ROBO1: variants seen among roughly 807,000 people sequenced by gnomAD.
ROBO1 encodes the protein roundabout guidance receptor 1.
A neutral mutation model predicts 195.9 loss-of-function variants in ROBO1; 149 were observed. The ratio of observed to expected loss-of-function variants is 0.76; its 90% CI spans 0.67 to 0.87. ROBO1 has a LOEUF of 0.87. Ranked by LOEUF, ROBO1 falls within the 40% of genes least tolerant of loss-of-function variation. ROBO1 has a pLI of 0.00. For missense variants in ROBO1, 1,933 were observed against 2,068.3 expected (o/e 0.93, Z 1.27); for synonymous variants, 816 against 733.2 (o/e 1.11, Z -1.82).
chr3:79,059,144 C>T (rs1027254927), intron 3 of ROBO1, among the ~76,000 whole-genome samples: 3 of 151,984 alleles, frequency 2.0e-5, no homozygotes, highest in African/African-American at 7.2e-5. Flanking sequence ...TCTTCATCAC[C>T]CCGTATTCCT....
chr3:79,693,807 G>A, intron 1 of ROBO1, among the ~76,000 whole-genome samples: 1 of 151,302 alleles, frequency 6.6e-6, no homozygotes, highest in Non-Finnish European at 1.5e-5. Context: ...TTTTCTCAAG[G>A]ACACCAAAAA....
intron 4 of ROBO1, among the ~76,000 whole-genome samples, chr3:78,809,658 C>T (rs1292415083): frequency 6.6e-6 from 1 of 152,078 alleles, no homozygotes; most frequent in Admixed American, 6.5e-5. Context: ...TACTATGCAG[C>T]CACAAAAAAG....
intron 4 of ROBO1, among the ~76,000 whole-genome samples, chr3:78,934,882 C>T (rs1160400842): frequency 6.6e-6 from 1 of 151,800 alleles, no homozygotes; most frequent in Non-Finnish European, 1.5e-5. Flanking sequence ...ACCATTTTAC[C>T]CCTAGGAGTA....
intron 3 of ROBO1, among the ~76,000 whole-genome samples, chr3:78,999,922 C>T (rs1179145892): frequency 2.0e-5 from 3 of 152,078 alleles, no homozygotes; most frequent in Admixed American, 1.3e-4. Context: ...TCTTTAAATA[C>T]TCCTTGACCC....
At chr3:78,725,108 A>G (rs1316410315) in intron 5 of ROBO1, among the ~76,000 whole-genome samples, 3 of 152,174 alleles carry the variant, frequency 2.0e-5, no homozygotes, top group Non-Finnish European at 4.4e-5. Flanking sequence ...TTCAAGGCAG[A>G]GGTCTTCCTT....
intron 4 of ROBO1, among the ~76,000 whole-genome samples, chr3:78,820,463 G>A (rs908899097): frequency 6.6e-6 from 1 of 152,180 alleles, no homozygotes; most frequent in Admixed American, 6.5e-5. Context: ...TAATGTTAAC[G>A]TAGGTAGAAC....
At chr3:79,615,373 T>A (rs1254545371) in intron 1 of ROBO1, among the ~76,000 whole-genome samples, 1 of 152,178 alleles carries the variant, frequency 6.6e-6, no homozygotes, top group Non-Finnish European at 1.5e-5. Context: ...ACTGAACCAA[T>A]GCACAACGTA....
intron 2 of ROBO1, among the ~76,000 whole-genome samples, chr3:79,248,816 A>C (rs2082671601): frequency 6.6e-6 from 1 of 152,198 alleles, no homozygotes; most frequent in Non-Finnish European, 1.5e-5. Context: ...GGGTTGATGG[A>C]AAGGCATGGA....
intron 3 of ROBO1, among the ~76,000 whole-genome samples, chr3:79,101,955 T>G (rs1218728945): frequency 6.6e-6 from 1 of 151,858 alleles, no homozygotes; most frequent in African/African-American, 2.4e-5. Context: ...CACACAGTTT[T>G]CATTTAATTG....
In ROBO1 at chr3:79,734,024, T is replaced by C. The variant is rs1040914197; in HGVS notation, c.-51+33728A>G. 2.0e-5 allele frequency among the ~76,000 whole-genome samples: 3 copies of C among 151,616 alleles called. No homozygotes were observed. The East Asian group carries it at 5.8e-4, about 29-fold the overall frequency. On this transcript the variant is annotated intron_variant, in intron 1 of 30. Coordinates refer to ENST00000464233, the MANE Select transcript of ROBO1 (RefSeq NM_002941.4). Reference sequence around the variant, plus strand: ...TTGCAATGGTGCGATCTGGTCTCACTGCAACCTCCGCCTCCCGGGTTCAAG... The same window carrying C: ...TTGCAATGGTGCGATCTGGTCTCACCGCAACCTCCGCCTCCCGGGTTCAAG...
At chr3:79,613,890 CA>C (rs1944741842) in intron 1 of ROBO1, among the ~76,000 whole-genome samples, 1 of 151,802 alleles carries the variant, frequency 6.6e-6, no homozygotes, top group Non-Finnish European at 1.5e-5. Flanking sequence ...GTATTAACAT[CA>C]AATAAAGCCA....
chr3:78,947,156 C>T (rs903299944), intron 3 of ROBO1, among the ~76,000 whole-genome samples: 3 of 152,126 alleles, frequency 2.0e-5, no homozygotes, highest in African/African-American at 7.2e-5. Context: ...CTGAACTCAG[C>T]TCTGCACCAA....
chr3:78,737,488 C>T (rs2082419027), intron 5 of ROBO1, among the ~76,000 whole-genome samples: 1 of 152,124 alleles, frequency 6.6e-6, no homozygotes, highest in African/African-American at 2.4e-5. Context: ...CATTTTCTCG[C>T]TGAATTCCCT....
At chr3:79,372,504 T>C (rs1166366569) in intron 2 of ROBO1, among the ~76,000 whole-genome samples, 2 of 152,022 alleles carry the variant, frequency 1.3e-5, no homozygotes, top group Non-Finnish European at 2.9e-5. Context: ...CCACTGCGCC[T>C]GGCCTCTAGC....
rs1393705207 is a variant in ROBO1 at position 78,606,860 on chromosome 3, C to T, written c.4617G>A (p.Gln1539=). The change falls in exon 29 of 31, where the codon CAG becomes CAA. Residue 1539 remains glutamine, a synonymous_variant. Coordinates refer to ENST00000464233, the MANE Select transcript of ROBO1 (RefSeq NM_002941.4). ...CTGGATTTGTTCGCATGTCAACAAC[C>T]TGTCTTCCATCCAACACTTCTCTCC... ...YKGREVLDGR[Q]VVDMRTNPGD... The T allele has an allele frequency of 2.5e-6, 4 of 1,613,900 alleles. No individual in the cohort carries two copies. The highest frequency in any genetic ancestry group is 2.5e-6 in the Non-Finnish European group (3 of 1,179,882).
At chr3:78,713,138 G>C (rs774312682) in intron 8 of ROBO1, among the ~76,000 whole-genome samples, 2 of 152,150 alleles carry the variant, frequency 1.3e-5, no homozygotes, top group African/African-American at 2.4e-5. Flanking sequence ...TTAGATTAAA[G>C]AGTAGTCTTG....
At chr3:78,680,873 C>T (rs1301123456) in intron 10 of ROBO1, among the ~76,000 whole-genome samples, 4 of 149,218 alleles carry the variant, frequency 2.7e-5, no homozygotes, top group Non-Finnish European at 4.5e-5. Flanking sequence ...GCTATAAAGA[C>T]ACATGCACAC....
intron 2 of ROBO1, among the ~76,000 whole-genome samples, chr3:79,413,322 G>T (rs1171125721): frequency 6.6e-6 from 1 of 152,086 alleles, no homozygotes; most frequent in Non-Finnish European, 1.5e-5. Flanking sequence ...ATTAAAACAA[G>T]CTGGGTATAA....
At chr3:78,825,892 C>A (rs1352350841) in intron 4 of ROBO1, among the ~76,000 whole-genome samples, 1 of 152,056 alleles carries the variant, frequency 6.6e-6, no homozygotes, top group African/African-American at 2.4e-5. Context: ...ATGACTCCTG[C>A]TAAGATTTTG....
Sources: gnomAD v4.1 joint callset for allele counts (sites outside exome capture counted in the v4.1 genomes callset) on GRCh38, gnomAD v4.1.1 for gene constraint, MANE v1.5 for transcripts, NCBI Gene and HGNC (gene_info 2026-07-23, HGNC 2026-07-21) for gene names.